DDX10: variants seen among roughly 807,000 people sequenced by gnomAD.
The protein encoded by DDX10 is probable ATP-dependent RNA helicase DDX10.
DDX10 carries 74 observed loss-of-function variants against 104.3 expected under a neutral mutation model. The observed-to-expected ratio is 0.71, with a 90% CI of 0.59 to 0.86. The LOEUF (loss-of-function observed/expected upper bound fraction) is 0.86. Among genes scored for constraint, DDX10 ranks in the 40% least tolerant of loss-of-function variants. The pLI is 0.00. For missense variants in DDX10, 952 were observed against 1,040.0 expected (o/e 0.92, Z 1.16); for synonymous variants, 351 against 353.4 (o/e 0.99, Z 0.08).
At chr11:108,798,552 TTG>T (rs2134555074) in intron 13 of DDX10, among the ~76,000 whole-genome samples, 1 of 152,348 alleles carries the variant, frequency 6.6e-6, no homozygotes, top group Non-Finnish European at 1.5e-5. Context: ...GGTACAGTAT[TTG>T]TCTTTTTGTG....
At chr11:108,777,781 A>C (rs1682673260) in intron 13 of DDX10, among the ~76,000 whole-genome samples, 1 of 152,216 alleles carries the variant, frequency 6.6e-6, no homozygotes, top group African/African-American at 2.4e-5. Flanking sequence ...ACATGATTGT[A>C]TGTTTAGAAA....
chr11:108,885,812 C>T (rs1863289310), intron 16 of DDX10, among the ~76,000 whole-genome samples: 1 of 152,114 alleles, frequency 6.6e-6, no homozygotes, highest in Non-Finnish European at 1.5e-5. Context: ...TAGGGATGTA[C>T]ATGATAACAA....
intron 13 of DDX10, among the ~76,000 whole-genome samples, chr11:108,781,475 CAT>C (rs1002929369): frequency 3.3e-5 from 5 of 151,992 alleles, no homozygotes; most frequent in African/African-American, 9.7e-5. Context: ...TGTTTCATAA[CAT>C]AATTGTTTGT....
intron 15 of DDX10, among the ~76,000 whole-genome samples, chr11:108,842,595 G>A (rs1442308806): frequency 5.3e-5 from 8 of 152,202 alleles, no homozygotes; most frequent in Non-Finnish European, 1.0e-4. Context: ...GATGGAAAAT[G>A]AATGTTGAGA....
chr11:108,930,873 T>A (rs1479025597), intron 17 of DDX10, among the ~76,000 whole-genome samples: 1 of 152,222 alleles, frequency 6.6e-6, no homozygotes, highest in African/African-American at 2.4e-5. Context: ...TTTGAGGAAC[T>A]GTCTTCTCAG....
At chr11:108,777,480 A>G (rs1010151551) in intron 13 of DDX10, among the ~76,000 whole-genome samples, 7 of 152,046 alleles carry the variant, frequency 4.6e-5, no homozygotes, top group African/African-American at 1.7e-4. Context: ...GTGCCACTGC[A>G]TCTGGATAAG....
rs555848864 is a variant in DDX10, at chr11:108,932,678, A to G, written c.2451-7568A>G. ...CACTTTGTTTCTTTCCTGGATACCAATGTTTCTTGTTTTTTCTAAAGGTCT... is the reference window on the plus strand; with the variant it reads ...CACTTTGTTTCTTTCCTGGATACCAGTGTTTCTTGTTTTTTCTAAAGGTCT... On this transcript the variant is annotated intron_variant, in intron 17 of 17. Coordinates refer to ENST00000322536, the MANE Select transcript of DDX10 (RefSeq NM_004398.4). Among the ~76,000 whole-genome samples the G allele has an allele frequency of 3.9e-4, 59 of 152,104 alleles. 1 individual carries two copies. The highest frequency in any genetic ancestry group is 1.0e-3 in the African/African-American group (43 of 41,360).
At chr11:108,853,456 T>G (rs767850814) in intron 16 of DDX10, among the ~76,000 whole-genome samples, 1 of 152,176 alleles carries the variant, frequency 6.6e-6, no homozygotes, top group African/African-American at 2.4e-5. Context: ...TTACTGTATT[T>G]CCTTTGTGTT....
intron 13 of DDX10, among the ~76,000 whole-genome samples, chr11:108,791,336 G>A (rs1452465656): frequency 6.6e-6 from 1 of 152,208 alleles, no homozygotes; most frequent in Non-Finnish European, 1.5e-5. Flanking sequence ...TGTGGATTAT[G>A]GAGATGAGCC....
chr11:108,685,202 C>T (rs1209064783), intron 6 of DDX10, among the ~76,000 whole-genome samples: 1 of 151,654 alleles, frequency 6.6e-6, no homozygotes, highest in African/African-American at 2.4e-5. Context: ...GGCGTAGGAC[C>T]CTCTGAGCCA....
chr11:108,866,701 A>G (rs1023668771), intron 16 of DDX10, among the ~76,000 whole-genome samples: 1 of 152,174 alleles, frequency 6.6e-6, no homozygotes, highest in African/African-American at 2.4e-5. Flanking sequence ...CATACCATAT[A>G]CTGTGCTAAG....
At chr11:108,772,788 G>C (rs1049376863) in intron 13 of DDX10, among the ~76,000 whole-genome samples, 1 of 152,320 alleles carries the variant, frequency 6.6e-6, no homozygotes, top group South Asian at 2.1e-4. Flanking sequence ...ATTGTGAACT[G>C]CACATGTGAG....
chr11:108,871,693 C>T (rs529498198), intron 16 of DDX10, among the ~76,000 whole-genome samples: 1 of 152,086 alleles, frequency 6.6e-6, no homozygotes. Context: ...TTTGGCAGGC[C>T]GAGGTGGGTG....
At chr11:108,744,407 TA>T (rs920425130) in intron 13 of DDX10, among the ~76,000 whole-genome samples, 1 of 152,086 alleles carries the variant, frequency 6.6e-6, no homozygotes, top group Admixed American at 6.6e-5. Context: ...AGATCTCTGT[TA>T]AAAAACAAAA....
At chr11:108,797,143 C>A (rs1861954023) in intron 13 of DDX10, among the ~76,000 whole-genome samples, 1 of 152,122 alleles carries the variant, frequency 6.6e-6, no homozygotes, top group Admixed American at 6.5e-5. Context: ...AAGCAATTCT[C>A]CTGCCTCAGC....
intron 1 of DDX10, among the ~76,000 whole-genome samples, chr11:108,671,675 T>G (rs2094217212): frequency 6.6e-6 from 1 of 152,138 alleles, no homozygotes; most frequent in Non-Finnish European, 1.5e-5. Flanking sequence ...CGAATAAAAC[T>G]TTACTTACTA....
chr11:108,862,943 T>C (rs746941120), intron 16 of DDX10, among the ~76,000 whole-genome samples: 1 of 152,166 alleles, frequency 6.6e-6, no homozygotes, highest in Non-Finnish European at 1.5e-5. Context: ...AATAGATGAA[T>C]AGTAACTGAC....
intron 12 of DDX10, among the ~76,000 whole-genome samples, chr11:108,722,006 C>T (rs2094298942): frequency 6.6e-6 from 1 of 152,152 alleles, no homozygotes; most frequent in Non-Finnish European, 1.5e-5. Flanking sequence ...GTTTTAACAG[C>T]ATTACATCTG....
At chr11:108,753,123 A>C (rs2094340648) in intron 13 of DDX10, among the ~76,000 whole-genome samples, 1 of 150,126 alleles carries the variant, frequency 6.7e-6, no homozygotes, top group African/African-American at 2.4e-5. Flanking sequence ...ATAATGCATA[A>C]AATTTCTGCA....
Sources: gnomAD v4.1 joint callset for allele counts (sites outside exome capture counted in the v4.1 genomes callset) on GRCh38, gnomAD v4.1.1 for gene constraint, MANE v1.5 for transcripts, NCBI Gene and HGNC (gene_info 2026-07-23, HGNC 2026-07-21) for gene names.